Variants in AKAP9 observed in about 807,000 individuals in gnomAD.
AKAP9 encodes A-kinase anchor protein 9.
Under a neutral mutation model 488.5 loss-of-function variants are expected in AKAP9, and 311 were observed. That is an observed-to-expected ratio of 0.64 (90% confidence interval 0.58 to 0.70). AKAP9 has a LOEUF of 0.70. Ranked by LOEUF, AKAP9 falls within the 30% of genes least tolerant of loss-of-function variation. AKAP9 has a pLI of 0.00. For missense variants in AKAP9, 4,215 were observed against 4,374.5 expected (o/e 0.96, Z 1.03); for synonymous variants, 1,462 against 1,483.5 (o/e 0.99, Z 0.33).
chr7:92,086,356 T>C lies in AKAP9; in HGVS notation c.9153T>C (p.Ala3051=). 2.5e-6 allele frequency: 4 copies of C among 1,613,968 alleles called. No individual in the cohort carries two copies. The highest frequency in any genetic ancestry group is 3.4e-6 in the Non-Finnish European group (4 of 1,179,938). The part of the protein sequence containing the change: ...LLAAFRTELT[A]LGTTDAVGLL... ...CAGCATTTCGGACGGAGCTGACAGC[T>C]CTAGGTACTACAGATGCAGTTGGTT... The change falls in exon 37 of 50, where the codon GCT becomes GCC. Residue 3051 remains alanine (A), a synonymous_variant. Transcript: ENST00000356239.
At chr7:92,103,867 T>C (rs1424498107) in intron 46 of AKAP9, among the ~76,000 whole-genome samples, 2 of 152,234 alleles carry the variant, frequency 1.3e-5, no homozygotes, top group African/African-American at 4.8e-5. Context: ...GAAGGTCCTT[T>C]CCTAACTGCA....
At position 92,062,276 on chromosome 7, in the gene AKAP9, G is replaced by A. The variant is rs755463664; in HGVS notation, c.5767G>A (p.Val1923Ile). 4.0e-5 allele frequency: 64 copies of A among 1,609,806 alleles called. No individual in the cohort carries two copies. Among genetic ancestry groups the A allele is most frequent in the East Asian group, 8.9e-5 (4 of 44,842 alleles). The change falls in exon 24 of 50, where the codon GTC (valine) becomes ATC (isoleucine). Residue 1923 changes from valine to isoleucine, a missense_variant and splice_region_variant. Physicochemically the swap from Val to Ile is conservative, Grantham distance 29. This residue lies in a region of AKAP9 where 2,361 missense variants were observed against 2,430.0 expected (regional missense o/e 0.97). Coordinates refer to ENST00000356239, the MANE Select transcript of AKAP9 (RefSeq NM_005751.5). ...TTTCTGTTAATTTTGTATTATAGGC[G>A]TCATTGATGGCTATGCAGATGAAAA... Reference protein sequence around the residue: ...LAVELSKAEGVIDGYADEKTL... With the variant: ...LAVELSKAEGIIDGYADEKTL...
In AKAP9 at chr7:92,086,412, A is replaced by T. The variant is rs750129838; in HGVS notation, c.9209A>T (p.Glu3070Val). Residue 3070 changes from glutamate to valine, a missense_variant, in exon 37 of 50, where the codon GAA becomes GTA. Glu to Val is a moderately radical substitution (Grantham distance 121). Transcript: ENST00000356239. ...LLNCLEQRIQ[E>V]QGVEYQAAME... Reference sequence around the variant, plus strand: ...AACTGTTTGGAACAGAGAATACAAGAACAGGTATAATGAAACTTCATTTTA... The same window carrying T: ...AACTGTTTGGAACAGAGAATACAAGTACAGGTATAATGAAACTTCATTTTA... The T allele has an allele frequency of 1.2e-6, 2 of 1,611,814 alleles. No individual in the cohort carries two copies. Among genetic ancestry groups the T allele is most frequent in the South Asian group, 2.2e-5 (2 of 91,012 alleles).
At chr7:91,990,624 G>T (rs990359090) in intron 3 of AKAP9, among the ~76,000 whole-genome samples, 1 of 152,024 alleles carries the variant, frequency 6.6e-6, no homozygotes, top group Non-Finnish European at 1.5e-5. Context: ...AACAGCAGTG[G>T]CTAAATAAAG....
At chr7:92,035,019 T>C (rs1804957460) in intron 16 of AKAP9, among the ~76,000 whole-genome samples, 1 of 152,220 alleles carries the variant, frequency 6.6e-6, no homozygotes, top group South Asian at 2.1e-4. Context: ...TAATTTGCTC[T>C]TCTTCTGCTT....
At chr7:92,082,736 T>G in intron 32 of AKAP9, 74 bp downstream of exon 32, 1 of 1,494,960 alleles carries the variant, frequency 6.7e-7, no homozygotes, top group Non-Finnish European at 9.3e-7. Context: ...ATATACTCTT[T>G]TATAACAAAT....
intron 1 of AKAP9, among the ~76,000 whole-genome samples, chr7:91,942,313 T>C (rs1790866745): frequency 6.6e-6 from 1 of 152,208 alleles, no homozygotes; most frequent in Non-Finnish European, 1.5e-5. Context: ...AATGAATATA[T>C]ATATAAAAAC....
In AKAP9 at chr7:91,973,932, A is replaced by G. The variant is rs1396766375; in HGVS notation, c.270A>G (p.Gly90=). Residue 90 remains glycine, a synonymous_variant, in exon 2 of 50, where the codon GGA becomes GGG. Transcript: ENST00000356239. ...CAATAATGAGAACTCTACATAGTGGAGAAATAACCAGTCATGAGCAGGGCT... is the reference window on the plus strand; with the variant it reads ...CAATAATGAGAACTCTACATAGTGGGGAAATAACCAGTCATGAGCAGGGCT... ...ESTIMRTLHS[G]EITSHEQGFS... The G allele has an allele frequency of 1.2e-6, 2 of 1,614,104 alleles. No individual in the cohort carries two copies. Among genetic ancestry groups the G allele is most frequent in the South Asian group, 1.1e-5 (1 of 91,074 alleles).
At chr7:91,951,018 A>G (rs1307853497) in intron 1 of AKAP9, among the ~76,000 whole-genome samples, 2 of 152,102 alleles carry the variant, frequency 1.3e-5, no homozygotes, top group African/African-American at 4.8e-5. Flanking sequence ...ATGACTCAAC[A>G]AGAGAACTCT....
At chr7:91,971,232 C>CT (rs1198736093) in intron 1 of AKAP9, among the ~76,000 whole-genome samples, 5 of 152,048 alleles carry the variant, frequency 3.3e-5, no homozygotes, top group Non-Finnish European at 7.4e-5. Flanking sequence ...CTCACTGATT[C>CT]TTTTTTCTGT....
chr7:91,995,540 G>T, intron 6 of AKAP9, 63 bp from the exon 7 acceptor site: 2 of 1,469,868 alleles, frequency 1.4e-6, no homozygotes, highest in Non-Finnish European at 1.9e-6. Context: ...CACCCCAAAG[G>T]TGTCTGTTCC....
chr7:92,066,574 T>G (rs760873726), intron 26 of AKAP9, 28 bp downstream of exon 26: 1 of 1,611,990 alleles, frequency 6.2e-7, no homozygotes, highest in Non-Finnish European at 8.5e-7. Flanking sequence ...ATTGCCCAAC[T>G]TACAGTAATT....
At chr7:91,975,142 G>C (rs116569939) in intron 2 of AKAP9, among the ~76,000 whole-genome samples, 1 of 152,078 alleles carries the variant, frequency 6.6e-6, no homozygotes, top group African/African-American at 2.4e-5. Context: ...ATGAGCCACC[G>C]TGCTTGGCCT....
At chr7:91,998,773 TAC>T (rs1369264792) in intron 7 of AKAP9, among the ~76,000 whole-genome samples, 1 of 152,164 alleles carries the variant, frequency 6.6e-6, no homozygotes, top group East Asian at 1.9e-4. Flanking sequence ...CCAAATGTGT[TAC>T]AGATTTCTTT....
intron 7 of AKAP9, among the ~76,000 whole-genome samples, chr7:92,000,129 C>G (rs1356234013): frequency 6.6e-6 from 1 of 152,236 alleles, no homozygotes; most frequent in East Asian, 1.9e-4. Context: ...GGGCGTAGCC[C>G]TATCTCCATT....
At chr7:91,942,977 ACAC>A (rs949360482) in intron 1 of AKAP9, among the ~76,000 whole-genome samples, 1 of 151,976 alleles carries the variant, frequency 6.6e-6, no homozygotes, top group Non-Finnish European at 1.5e-5. Flanking sequence ...GGATTGCTTG[ACAC>A]CAGGAGTTCA....
intron 18 of AKAP9, 184 bp downstream of exon 18, chr7:92,041,082 G>A: frequency 1.8e-6 from 1 of 558,970 alleles, no homozygotes; most frequent in Non-Finnish European, 3.2e-6. Flanking sequence ...TAAGACAGCA[G>A]CTTTAGATCT....
rs141156177 is a variant in AKAP9 at position 92,077,851 on chromosome 7, A to G, written c.6921A>G (p.Gln2307=). The G allele has an allele frequency of 1.1e-3, 1,722 of 1,612,902 alleles. 28 individuals are homozygous for G. Among genetic ancestry groups the G allele is most frequent in the Admixed American group, 4.0e-4 (24 of 59,998 alleles). The part of the protein sequence containing the change: ...LNEQVTKLQQ[Q]LKITTDNKVI... ...AACAAGTTACGAAACTCCAGCAGCA[A>G]CTTAAAATTACAACAGATAACAAGG... Residue 2307 remains glutamine (Q), a synonymous_variant, in exon 30 of 50, where the codon CAA becomes CAG. Coordinates refer to ENST00000356239, the MANE Select transcript of AKAP9 (RefSeq NM_005751.5).
At chr7:91,961,137 T>G (rs983752206) in intron 1 of AKAP9, among the ~76,000 whole-genome samples, 1 of 152,186 alleles carries the variant, frequency 6.6e-6, no homozygotes, top group Admixed American at 6.5e-5. Flanking sequence ...AATAGTTGAT[T>G]TTTTTGAATT....
Sources: allele counts gnomAD v4.1 joint callset (sites outside exome capture counted in the v4.1 genomes callset), GRCh38; gene constraint gnomAD v4.1.1; regional missense constraint gnomAD v4.1.1; transcripts MANE v1.5; gene names NCBI Gene and HGNC (gene_info 2026-07-23, HGNC 2026-07-21).